Variants in VPS13B observed in about 807,000 individuals in gnomAD.
VPS13B encodes the protein vacuolar protein sorting 13 homolog B.
A neutral mutation model predicts 426.4 loss-of-function variants in VPS13B; 285 were observed. The observed-to-expected ratio is 0.67, with a 90% CI of 0.61 to 0.74. The LOEUF (loss-of-function observed/expected upper bound fraction) is 0.74, where lower values mean the gene tolerates loss of function less well. Ranked by LOEUF, VPS13B falls within the 30% of genes least tolerant of loss-of-function variation. VPS13B has a pLI of 0.00. For synonymous variants in VPS13B, 1,676 were observed against 1,676.4 expected, an observed-to-expected ratio of 1.00 and a Z score of 0.01; for missense variants, 4,537 against 4,782.6, an observed-to-expected ratio of 0.95 and a Z score of 1.51.
At chr8:99,559,721 A>G (rs1374394396) in intron 31 of VPS13B, among the ~76,000 whole-genome samples, 4 of 152,100 alleles carry the variant, frequency 2.6e-5, no homozygotes, top group Admixed American at 6.6e-5. Context: ...GGTTGTAGAT[A>G]CGCGGCATTA....
intron 33 of VPS13B, among the ~76,000 whole-genome samples, chr8:99,592,374 G>A (rs772966382): frequency 1.3e-5 from 2 of 152,024 alleles, no homozygotes; most frequent in South Asian, 2.1e-4. Context: ...GAGGAGCTAC[G>A]ATCCTTTGGA....
intron 16 of VPS13B, among the ~76,000 whole-genome samples, chr8:99,174,875 C>A (rs1467215818): frequency 2.0e-5 from 3 of 152,104 alleles, no homozygotes; most frequent in African/African-American, 7.2e-5. Context: ...TAAAATCATC[C>A]TTTTTGCTGT....
chr8:99,441,679 C>G (rs1817681845), intron 22 of VPS13B, among the ~76,000 whole-genome samples: 1 of 151,994 alleles, frequency 6.6e-6, no homozygotes, highest in African/African-American at 2.4e-5. Flanking sequence ...TTATCTTAAC[C>G]TCTGAGGTCC....
At chr8:99,428,345 C>G (rs536056529) in intron 21 of VPS13B, among the ~76,000 whole-genome samples, 11 of 152,204 alleles carry the variant, frequency 7.2e-5, no homozygotes, top group Non-Finnish European at 1.3e-4. Context: ...TCAGAGTGAA[C>G]AGGCAACCTA....
intron 8 of VPS13B, among the ~76,000 whole-genome samples, chr8:99,129,394 T>C (rs890449856): frequency 1.3e-5 from 2 of 151,548 alleles, no homozygotes; most frequent in Admixed American, 1.3e-4. Flanking sequence ...TGAGACCCTG[T>C]CTGTACAAAA....
intron 33 of VPS13B, among the ~76,000 whole-genome samples, chr8:99,581,110 G>A (rs567458226): frequency 6.6e-6 from 1 of 151,734 alleles, no homozygotes; most frequent in East Asian, 1.9e-4. Context: ...TTGAACCTGG[G>A]AGGTCGAGGC....
chr8:99,029,912 T>C (rs1438425370), intron 2 of VPS13B, among the ~76,000 whole-genome samples: 1 of 152,178 alleles, frequency 6.6e-6, no homozygotes, highest in African/African-American at 2.4e-5. Context: ...CTCTTTGTGT[T>C]TGAATTTTGA....
chr8:99,815,891 G>A (rs1265083418), intron 44 of VPS13B, among the ~76,000 whole-genome samples: 1 of 152,130 alleles, frequency 6.6e-6, no homozygotes, highest in South Asian at 2.1e-4. Context: ...GAGTACAGTG[G>A]TGCAATTACA....
rs762306496 is a variant in VPS13B at position 99,766,774 on chromosome 8, G to T, written c.7051G>T (p.Val2351Phe). ...CTAAATTTTTTTTATTTTAACATAG[G>T]TTCCTTGTAGCTTGGAATACTGGGA... Reference protein sequence around the residue: ...STADLGDVLQVPCSLEYWDEL... With the variant: ...STADLGDVLQFPCSLEYWDEL... Residue 2351 changes from valine (V) to phenylalanine (F), a missense_variant and splice_region_variant, in exon 40 of 62, where the codon GTT (valine) becomes TTT (phenylalanine). Val to Phe is a conservative substitution (Grantham distance 50). Around this residue, in one of 2 missense-constraint regions of VPS13B, gnomAD observed 4,311 missense variants for 4,474.3 expected, o/e 0.96. Coordinates refer to ENST00000357162, the MANE Select transcript of VPS13B (RefSeq NM_152564.5). The T allele has an allele frequency of 3.1e-6, 5 of 1,612,760 alleles. No individual in the cohort carries two copies. The highest frequency in any genetic ancestry group is 2.2e-5 in the East Asian group (1 of 44,778).
intron 23 of VPS13B, among the ~76,000 whole-genome samples, chr8:99,464,690 G>A (rs1427501231): frequency 1.3e-5 from 2 of 151,998 alleles, no homozygotes; most frequent in Non-Finnish European, 2.9e-5. Context: ...AGTTTAATAT[G>A]TTCCTTTGGG....
intron 3 of VPS13B, among the ~76,000 whole-genome samples, chr8:99,068,410 G>A (rs954378652): frequency 2.6e-5 from 4 of 152,102 alleles, no homozygotes; most frequent in Admixed American, 6.5e-5. Context: ...TTAGAGTAGG[G>A]GTAATCAAAC....
chr8:99,867,802 C>G (rs1817182000), intron 58 of VPS13B, among the ~76,000 whole-genome samples: 1 of 152,130 alleles, frequency 6.6e-6, no homozygotes, highest in South Asian at 2.1e-4. Flanking sequence ...AATAATTACT[C>G]TTAAGTATTA....
chr8:99,648,317 CT>C (rs1300592730), intron 34 of VPS13B, among the ~76,000 whole-genome samples: 1 of 152,118 alleles, frequency 6.6e-6, no homozygotes, highest in Non-Finnish European at 1.5e-5. Flanking sequence ...TTGTGAAACA[CT>C]TACATTAATT....
In VPS13B at chr8:99,164,134, G is replaced by C. The variant is rs548611416; in HGVS notation, c.2209-5905G>C. On this transcript the variant is annotated intron_variant, in intron 15 of 61. Coordinates refer to ENST00000357162, the MANE Select transcript of VPS13B (RefSeq NM_152564.5). ...CAGTGGGTCGGTCCAGGGGTCCCGG[G>C]TAGAAGTTGTTAGTTGAACTCATTT... Among the ~76,000 whole-genome samples the C allele has an allele frequency of 8.5e-5, 13 of 152,278 alleles. No individual in the cohort carries two copies. The East Asian group carries it at 2.1e-3, about 25-fold the overall frequency.
intron 17 of VPS13B, among the ~76,000 whole-genome samples, chr8:99,229,498 A>G (rs1189912794): frequency 2.6e-5 from 4 of 152,076 alleles, no homozygotes; most frequent in African/African-American, 9.7e-5. Flanking sequence ...TGATTGATTG[A>G]TTCAGTGAGT....
In VPS13B at chr8:99,028,562, G is replaced by A. The variant is rs546548348; in HGVS notation, c.148-9861G>A. ...TCCCTCCCGGACGGGGCGGCTGGCCGGGCAGGGGGCTGACCCCCCTCCCCC... is the reference window on the plus strand; with the variant it reads ...TCCCTCCCGGACGGGGCGGCTGGCCAGGCAGGGGGCTGACCCCCCTCCCCC... On this transcript the variant is annotated intron_variant, in intron 2 of 61. Coordinates refer to ENST00000357162, the MANE Select transcript of VPS13B (RefSeq NM_152564.5). Among the ~76,000 whole-genome samples, 20 of 114,492 alleles carry A rather than the reference G, an allele frequency of 1.7e-4. 1 individual carries two copies. The East Asian group carries it at 2.3e-3, about 13-fold the overall frequency. 75.1% of individuals were successfully genotyped at this position (114,492 alleles called of 152,430 possible).
rs566011327 is a variant in VPS13B at position 99,699,507 on chromosome 8, T to C, written c.6047-18T>C. On this transcript the variant is annotated intron_variant, in intron 35 of 61. Coordinates refer to ENST00000357162, the MANE Select transcript of VPS13B (RefSeq NM_152564.5). ...TAAGAAAGCTTCAATAATTGTTTTC[T>C]CTTTTTTACTTCTATAGCGGATGTC... 3.1e-6 allele frequency: 5 copies of C among 1,612,028 alleles called. No homozygotes were observed. In the South Asian group the frequency reaches 5.5e-5, roughly 18 times the overall value.
chr8:99,451,732 C>G (rs1273916190), intron 23 of VPS13B, among the ~76,000 whole-genome samples: 2 of 152,106 alleles, frequency 1.3e-5, no homozygotes, highest in African/African-American at 4.8e-5. Context: ...CCGTAATAGG[C>G]TTATAACTCT....
chr8:99,701,253 G>C (rs948573987), intron 36 of VPS13B, among the ~76,000 whole-genome samples: 2 of 152,176 alleles, frequency 1.3e-5, no homozygotes, highest in Non-Finnish European at 2.9e-5. Flanking sequence ...GGAGACTACA[G>C]TATCTGATTT....
Sources: allele counts gnomAD v4.1 joint callset (sites outside exome capture counted in the v4.1 genomes callset), GRCh38; gene constraint gnomAD v4.1.1; regional missense constraint gnomAD v4.1.1; transcripts MANE v1.5; gene names NCBI Gene and HGNC (gene_info 2026-07-23, HGNC 2026-07-21).